Variants in SH3GL2 observed in about 807,000 individuals in gnomAD.
SH3GL2 encodes SH3 domain containing GRB2 like 2, endophilin A1.
SH3GL2 carries 24 observed loss-of-function variants against 46.0 expected under a neutral mutation model. The ratio of observed to expected loss-of-function variants is 0.52; its 90% CI spans 0.38 to 0.73. The LOEUF is 0.73. Among genes scored for constraint, SH3GL2 ranks in the 30% least tolerant of loss-of-function variants. The pLI, the probability that SH3GL2 is intolerant of heterozygous loss-of-function variation, is 0.00. For synonymous variants in SH3GL2, 196 were observed against 147.1 expected (o/e 1.33, Z -2.40); for missense variants, 413 against 424.2 (o/e 0.97, Z 0.23).
At chr9:17,711,780 G>A (rs921334088) in intron 1 of SH3GL2, among the ~76,000 whole-genome samples, 1 of 151,690 alleles carries the variant, frequency 6.6e-6, no homozygotes. Flanking sequence ...GAATATTCTT[G>A]TACAAGACAT....
Position 17,632,996 on chromosome 9 carries a change from C to A in SH3GL2, c.45+53709C>A, listed in dbSNP as rs3808736. Reference sequence around the variant, plus strand: ...AGTAGTTTGGAGTTCTGTAGAGGAGCTGCCAGTATTAATGAACTATCACTT... The same window carrying A: ...AGTAGTTTGGAGTTCTGTAGAGGAGATGCCAGTATTAATGAACTATCACTT... On this transcript the variant is annotated intron_variant, in intron 1 of 8. Coordinates refer to ENST00000380607, the MANE Select transcript of SH3GL2 (RefSeq NM_003026.5). Among the ~76,000 whole-genome samples the A allele has an allele frequency of 4.7e-4, 71 of 152,336 alleles. 1 individual carries two copies. In the East Asian group the frequency reaches 9.4e-3, roughly 20 times the overall value.
intron 1 of SH3GL2, among the ~76,000 whole-genome samples, chr9:17,663,810 GA>G (rs1184549626): frequency 2.6e-5 from 4 of 152,154 alleles, no homozygotes; most frequent in Admixed American, 6.5e-5. Flanking sequence ...CACAGGAAAA[GA>G]AGCAAAAATA....
At chr9:17,670,646 C>G (rs535339729) in intron 1 of SH3GL2, among the ~76,000 whole-genome samples, 1 of 152,304 alleles carries the variant, frequency 6.6e-6, no homozygotes, top group East Asian at 1.9e-4. Context: ...CCAACTTTAG[C>G]TCTTGACTAT....
chr9:17,748,740 G>A (rs938313340), intron 2 of SH3GL2, among the ~76,000 whole-genome samples: 1 of 152,108 alleles, frequency 6.6e-6, no homozygotes, highest in Non-Finnish European at 1.5e-5. Flanking sequence ...CAAACTTGGG[G>A]CAAGTAATGA....
intron 1 of SH3GL2, among the ~76,000 whole-genome samples, chr9:17,583,246 T>C (rs188149155): frequency 6.6e-6 from 1 of 152,310 alleles, no homozygotes; most frequent in East Asian, 1.9e-4. Flanking sequence ...TTTAATGAGT[T>C]GGTTAGTATA....
intron 1 of SH3GL2, among the ~76,000 whole-genome samples, chr9:17,742,856 T>G (rs1822568327): frequency 6.6e-6 from 1 of 152,212 alleles, no homozygotes; most frequent in Non-Finnish European, 1.5e-5. Context: ...TTGTTTTTAG[T>G]TTTTTGGATG....
At chr9:17,729,223 A>G (rs1206395113) in intron 1 of SH3GL2, among the ~76,000 whole-genome samples, 1 of 152,046 alleles carries the variant, frequency 6.6e-6, no homozygotes, top group Non-Finnish European at 1.5e-5. Flanking sequence ...ACCGGTGATG[A>G]TGAGCTTTTT....
chr9:17,731,821 T>C (rs558658475), intron 1 of SH3GL2, among the ~76,000 whole-genome samples: 15 of 152,254 alleles, frequency 9.9e-5, no homozygotes, highest in Non-Finnish European at 1.8e-4. Context: ...CTGATTTGCA[T>C]CGGTGCTGGT....
chr9:17,774,432 A>G (rs1271758437), intron 3 of SH3GL2, among the ~76,000 whole-genome samples: 2 of 152,162 alleles, frequency 1.3e-5, no homozygotes, highest in African/African-American at 4.8e-5. Context: ...GTTTTCATAT[A>G]TGACTTGTAC....
chr9:17,791,222 A>C lies in SH3GL2; in HGVS notation c.625-9A>C. 1 of 1,603,010 alleles carries C rather than the reference A, an allele frequency of 6.2e-7. No individual in the cohort carries two copies. Among genetic ancestry groups the C allele is most frequent in the Non-Finnish European group, 8.5e-7 (1 of 1,170,002 alleles). On this transcript the variant is annotated splice_polypyrimidine_tract_variant and intron_variant, in intron 6 of 8. Coordinates refer to ENST00000380607, the MANE Select transcript of SH3GL2 (RefSeq NM_003026.5). Reference sequence around the variant, plus strand: ...AAAACTAAGGCATGATTTTCCCATCAATCTGCAGATTGAACAAGTGAGCCA... The same window carrying C: ...AAAACTAAGGCATGATTTTCCCATCCATCTGCAGATTGAACAAGTGAGCCA...
chr9:17,761,979 C>G (rs914274934), intron 3 of SH3GL2, among the ~76,000 whole-genome samples: 1 of 152,136 alleles, frequency 6.6e-6, no homozygotes, highest in Non-Finnish European at 1.5e-5. Context: ...GATTCTGATT[C>G]TTCTCCAAGC....
At chr9:17,698,525 C>G (rs927648590) in intron 1 of SH3GL2, among the ~76,000 whole-genome samples, 1 of 151,816 alleles carries the variant, frequency 6.6e-6, no homozygotes, top group African/African-American at 2.4e-5. Context: ...GTTCTGAATT[C>G]TAGGTTTTAG....
chr9:17,720,888 G>A (rs1014952248), intron 1 of SH3GL2, among the ~76,000 whole-genome samples: 8 of 152,068 alleles, frequency 5.3e-5, no homozygotes, highest in East Asian at 1.9e-4. Flanking sequence ...GACAATTATC[G>A]TTTGCTGCAG....
At chr9:17,686,222 A>G (rs1158519369) in intron 1 of SH3GL2, among the ~76,000 whole-genome samples, 1 of 125,316 alleles carries the variant, frequency 8.0e-6, no homozygotes, top group Non-Finnish European at 1.6e-5. Flanking sequence ...AGAAATGCAA[A>G]TCAAAACCAC....
At chr9:17,670,648 C>A (rs1820452318) in intron 1 of SH3GL2, among the ~76,000 whole-genome samples, 1 of 152,192 alleles carries the variant, frequency 6.6e-6, no homozygotes, top group East Asian at 1.9e-4. Flanking sequence ...AACTTTAGCT[C>A]TTGACTATCT....
chr9:17,743,579 C>CACACACACACAG, intron 1 of SH3GL2, among the ~76,000 whole-genome samples: 1 of 151,420 alleles, frequency 6.6e-6, no homozygotes, highest in South Asian at 2.1e-4. Context: ...AACACACACA[C>CACACACACACAG]ACACACACAC....
At chr9:17,684,906 C>G (rs1376238014) in intron 1 of SH3GL2, among the ~76,000 whole-genome samples, 1 of 152,088 alleles carries the variant, frequency 6.6e-6, no homozygotes, top group East Asian at 1.9e-4. Flanking sequence ...ATTTAAAAAT[C>G]AATGGAAATG....
At chr9:17,653,021 C>T (rs1819992392) in intron 1 of SH3GL2, among the ~76,000 whole-genome samples, 1 of 152,058 alleles carries the variant, frequency 6.6e-6, no homozygotes, top group African/African-American at 2.4e-5. Flanking sequence ...GGGTTTCTTC[C>T]ATTTTATCCC....
At chr9:17,784,544 CT>C (rs1823901773) in intron 3 of SH3GL2, among the ~76,000 whole-genome samples, 1 of 152,102 alleles carries the variant, frequency 6.6e-6, no homozygotes, top group African/African-American at 2.4e-5. Flanking sequence ...CAGTGTCCCC[CT>C]AGTACCATGA....
Sources: allele counts gnomAD v4.1 joint callset (sites outside exome capture counted in the v4.1 genomes callset), GRCh38; gene constraint gnomAD v4.1.1; transcripts MANE v1.5; gene names NCBI Gene and HGNC (gene_info 2026-07-23, HGNC 2026-07-21).